The following CNTN1 variants were observed in gnomAD, a reference collection of about 807,000 sequenced individuals.
CNTN1 encodes the protein contactin-1.
A neutral mutation model predicts 126.4 loss-of-function variants in CNTN1; 38 were observed. That is an observed-to-expected ratio of 0.30 (90% confidence interval 0.23 to 0.39). The LOEUF (loss-of-function observed/expected upper bound fraction) is 0.39, where lower values mean the gene tolerates loss of function less well. Ranked by LOEUF, CNTN1 falls within the 10% of genes least tolerant of loss-of-function variation. The pLI is 1.00. For synonymous variants in CNTN1, 413 were observed against 422.6 expected, an observed-to-expected ratio of 0.98 and a Z score of 0.28; for missense variants, 1,009 against 1,248.4, an observed-to-expected ratio of 0.81 and a Z score of 2.89.
At chr12:40,742,833 G>T (rs182059566) in intron 1 of CNTN1, among the ~76,000 whole-genome samples, 1 of 152,080 alleles carries the variant, frequency 6.6e-6, no homozygotes, top group East Asian at 1.9e-4. Flanking sequence ...CAGGCACTGA[G>T]TGAAGCATTA....
chr12:40,890,175 T>A (rs547094386), intron 1 of CNTN1, among the ~76,000 whole-genome samples: 21 of 152,252 alleles, frequency 1.4e-4, no homozygotes, highest in Admixed American at 4.6e-4. Flanking sequence ...CTCCTTATAA[T>A]TTTGTTATTT....
chr12:41,011,410 G>A (rs1948649664), intron 17 of CNTN1, among the ~76,000 whole-genome samples: 1 of 152,186 alleles, frequency 6.6e-6, no homozygotes, highest in Non-Finnish European at 1.5e-5. Context: ...AGGAGTACAG[G>A]CCTTAGATGA....
intron 1 of CNTN1, among the ~76,000 whole-genome samples, chr12:40,717,222 T>C (rs1942073571): frequency 6.6e-6 from 1 of 152,182 alleles, no homozygotes; most frequent in Admixed American, 6.5e-5. Context: ...TCACTCTCTT[T>C]AACAGTCATT....
At chr12:40,789,296 G>A (rs1940142180) in intron 1 of CNTN1, among the ~76,000 whole-genome samples, 1 of 152,062 alleles carries the variant, frequency 6.6e-6, no homozygotes, top group Non-Finnish European at 1.5e-5. Context: ...CACTTAAATT[G>A]CTTAGAAATT....
chr12:40,835,773 T>G (rs188196642), intron 1 of CNTN1, among the ~76,000 whole-genome samples: 109 of 150,752 alleles, frequency 7.2e-4, no homozygotes, highest in Non-Finnish European at 1.2e-3. Flanking sequence ...AGTAGCAGTG[T>G]CTTCCGAAAT....
intron 15 of CNTN1, among the ~76,000 whole-genome samples, chr12:40,967,293 C>G (rs1218661889): frequency 6.6e-6 from 1 of 151,868 alleles, no homozygotes; most frequent in East Asian, 1.9e-4. Flanking sequence ...CCAACCTGAC[C>G]AATATGGTGA....
At chr12:40,949,315 T>C (rs1220083037) in intron 14 of CNTN1, among the ~76,000 whole-genome samples, 3 of 150,966 alleles carry the variant, frequency 2.0e-5, no homozygotes, top group African/African-American at 4.9e-5. Flanking sequence ...TTAGGGTACA[T>C]GTGCACATTG....
intron 14 of CNTN1, among the ~76,000 whole-genome samples, chr12:40,955,411 C>A (rs1285424137): frequency 2.0e-5 from 3 of 151,914 alleles, no homozygotes; most frequent in Non-Finnish European, 4.4e-5. Context: ...TTCCCAATAA[C>A]CTTTCTATTT....
At chr12:41,029,661 A>G (rs1949102800) in intron 23 of CNTN1, among the ~76,000 whole-genome samples, 1 of 152,176 alleles carries the variant, frequency 6.6e-6, no homozygotes, top group Non-Finnish European at 1.5e-5. Context: ...ATACTATATA[A>G]TACTAGGCTA....
rs530039961 is a variant in CNTN1 at position 40,963,438 on chromosome 12, C to T, written c.1804+4204C>T. 1.8e-4 allele frequency among the ~76,000 whole-genome samples: 28 copies of T among 152,026 alleles called. 1 individual carries two copies. In the South Asian group the frequency reaches 5.6e-3, roughly 30 times the overall value. The stretch of plus-strand genomic sequence containing the variant: ...GAAAGGAGTAATTTCAGAATCACCC[C>T]TTTAAGACAGGGGTTTGTATAATAT... On this transcript the variant is annotated intron_variant, in intron 15 of 23. Transcript: ENST00000551295.
chr12:40,982,276 A>G (rs915009736), intron 16 of CNTN1, among the ~76,000 whole-genome samples: 1 of 152,160 alleles, frequency 6.6e-6, no homozygotes, highest in Non-Finnish European at 1.5e-5. Flanking sequence ...AAATCAGATC[A>G]TCTGAAAAAT....
rs1006944539 is a variant in CNTN1, at chr12:40,716,277, T to C, written c.-77+23685T>C. Among the ~76,000 whole-genome samples, 9 of 150,630 alleles carry C rather than the reference T, an allele frequency of 6.0e-5. No individual in the cohort carries two copies. In the South Asian group the frequency reaches 1.9e-3, roughly 32 times the overall value. On this transcript the variant is annotated intron_variant, in intron 1 of 23. Transcript: ENST00000551295. Reference sequence around the variant, plus strand: ...CTTCTTCCCTTCCTTCCCTCCCTCCTCCTTTCCTTCCTCTCTCTCCCTTTC... The same window carrying C: ...CTTCTTCCCTTCCTTCCCTCCCTCCCCCTTTCCTTCCTCTCTCTCCCTTTC...
intron 17 of CNTN1, among the ~76,000 whole-genome samples, chr12:40,999,626 G>T (rs558504483): frequency 5.4e-5 from 8 of 148,870 alleles, no homozygotes; most frequent in Non-Finnish European, 1.0e-4. Context: ...CTAAATGAGA[G>T]AAATTAAATC....
intron 23 of CNTN1, among the ~76,000 whole-genome samples, chr12:41,041,889 G>T (rs1415604050): frequency 6.6e-6 from 1 of 151,982 alleles, no homozygotes; most frequent in Non-Finnish European, 1.5e-5. Flanking sequence ...TTAATTTTTT[G>T]AAGGGTTTTT....
chr12:40,996,234 C>G (rs1948213134), intron 17 of CNTN1, among the ~76,000 whole-genome samples: 1 of 151,808 alleles, frequency 6.6e-6, no homozygotes, highest in Admixed American at 6.6e-5. Flanking sequence ...AGGTCTCAAG[C>G]TACCCTACTG....
chr12:40,817,422 G>A (rs1417545540), intron 1 of CNTN1, among the ~76,000 whole-genome samples: 1 of 144,520 alleles, frequency 6.9e-6, no homozygotes, highest in African/African-American at 2.6e-5. Flanking sequence ...TGTCTTTTTA[G>A]CTCTTTGTTG....
intron 23 of CNTN1, among the ~76,000 whole-genome samples, chr12:41,033,364 T>C (rs1949186538): frequency 6.6e-6 from 1 of 152,226 alleles, no homozygotes; most frequent in Non-Finnish European, 1.5e-5. Context: ...TTAATTTCCA[T>C]AAGCTAATTT....
intron 1 of CNTN1, among the ~76,000 whole-genome samples, chr12:40,696,507 G>T (rs933600169): frequency 6.6e-6 from 1 of 152,104 alleles, no homozygotes; most frequent in African/African-American, 2.4e-5. Flanking sequence ...TGTATTATTG[G>T]TATAATGTGT....
chr12:41,067,766 T>TAAAA (rs71081704), intron 23 of CNTN1, among the ~76,000 whole-genome samples: 3 of 144,100 alleles, frequency 2.1e-5, no homozygotes, highest in African/African-American at 7.5e-5. Flanking sequence ...TAAAGTATAA[T>TAAAA]AAAAAAAAAA....
Sources: allele counts gnomAD v4.1 joint callset (sites outside exome capture counted in the v4.1 genomes callset), GRCh38; gene constraint gnomAD v4.1.1; transcripts MANE v1.5; gene names NCBI Gene and HGNC (gene_info 2026-07-23, HGNC 2026-07-21).